The following SEM1 variants were observed in gnomAD, a reference collection of about 807,000 sequenced individuals.
SEM1 encodes SEM1 26S proteasome subunit, also known as 26S proteasome complex subunit SEM1.
A neutral mutation model predicts 12.7 loss-of-function variants in SEM1; 3 were observed. The observed-to-expected ratio is 0.24, with a 90% confidence interval of 0.11 to 0.61. SEM1 has a LOEUF of 0.61. Among genes scored for constraint, SEM1 ranks in the 20% least tolerant of loss-of-function variants. The probability of loss-of-function intolerance (pLI) is 0.88; values close to 1 mark genes in which losing one functional copy is unlikely to be tolerated. For missense variants in SEM1, 59 were observed against 81.3 expected, an observed-to-expected ratio of 0.73 and a Z score of 1.06; for synonymous variants, 30 against 27.8, an observed-to-expected ratio of 1.08 and a Z score of -0.25.
At chr7:96,588,620 G>A (rs1247378283) in intron 2 of SEM1, among the ~76,000 whole-genome samples, 2 of 151,956 alleles carry the variant, frequency 1.3e-5, no homozygotes, top group African/African-American at 4.8e-5. Context: ...AGAGACAGAT[G>A]TTAAATATAA....
intron 2 of SEM1, among the ~76,000 whole-genome samples, chr7:96,555,874 C>T (rs1206114156): frequency 2.0e-5 from 3 of 149,018 alleles, no homozygotes; most frequent in Non-Finnish European, 4.5e-5. Context: ...CTGGGTGCTC[C>T]TGTATTGGGT....
chr7:96,587,231 T>C (rs6959178), intron 2 of SEM1, among the ~76,000 whole-genome samples: 47,190 of 152,060 alleles, frequency 0.31, 7,350 homozygotes, highest in Admixed American at 0.32. Flanking sequence ...TCCAAGATTA[T>C]AGTATTTGTA....
At chr7:96,682,275 G>A (rs555243900) in intron 2 of SEM1, among the ~76,000 whole-genome samples, 2 of 152,184 alleles carry the variant, frequency 1.3e-5, no homozygotes, top group East Asian at 3.9e-4. Context: ...TCAGCTTAAG[G>A]AGATTTTGGG....
intron 2 of SEM1, among the ~76,000 whole-genome samples, chr7:96,574,287 A>G (rs903547764): frequency 2.3e-4 from 35 of 152,318 alleles, no homozygotes; most frequent in African/African-American, 8.2e-4. Context: ...ATGGCTGCAT[A>G]GTATTCCATG....
chr7:96,522,131 T>A (rs948132437), intron 2 of SEM1, among the ~76,000 whole-genome samples: 5 of 152,178 alleles, frequency 3.3e-5, no homozygotes, highest in African/African-American at 1.2e-4. Context: ...CAGGAGGAAG[T>A]CAATGTTAGT....
chr7:96,519,105 A>G (rs1456871879), intron 2 of SEM1, among the ~76,000 whole-genome samples: 2 of 152,120 alleles, frequency 1.3e-5, no homozygotes, highest in Non-Finnish European at 2.9e-5. Flanking sequence ...AGATATGAAA[A>G]CTGGCACCTA....
intron 2 of SEM1, among the ~76,000 whole-genome samples, chr7:96,545,957 G>A (rs1191513383): frequency 6.6e-6 from 1 of 152,050 alleles, no homozygotes; most frequent in South Asian, 2.1e-4. Context: ...TTCAGAAATG[G>A]TGCTGAAGAA....
At chr7:96,679,566 T>C (rs928444612) in intron 2 of SEM1, among the ~76,000 whole-genome samples, 2 of 152,094 alleles carry the variant, frequency 1.3e-5, no homozygotes, top group African/African-American at 4.8e-5. Flanking sequence ...GCTATGAAGA[T>C]TTTTCTGAAA....
At chr7:96,674,881 CCT>C (rs1438700262) in intron 2 of SEM1, among the ~76,000 whole-genome samples, 1 of 152,084 alleles carries the variant, frequency 6.6e-6, no homozygotes, top group Non-Finnish European at 1.5e-5. Context: ...AAACGGAATC[CCT>C]GTTATGCTCT....
rs1173264641 is a variant in SEM1 at position 96,693,786 on chromosome 7, G to A, written c.170+1012C>T. Among the ~76,000 whole-genome samples, 5 of 149,476 alleles carry A rather than the reference G, an allele frequency of 3.3e-5. No individual in the cohort carries two copies. The East Asian group carries it at 9.7e-4, about 29-fold the overall frequency. Reference sequence around the variant, plus strand: ...TGTGTGTGTGTGTGTGTGTGTGTGTGTGTGTATATATATATATATAAAATT... The same window carrying A: ...TGTGTGTGTGTGTGTGTGTGTGTGTATGTGTATATATATATATATAAAATT... On this transcript the variant is annotated intron_variant, in intron 2 of 2. Coordinates refer to ENST00000248566, the MANE Select transcript of SEM1 (RefSeq NM_006304.2).
At chr7:96,529,932 T>C (rs1266549698) in intron 2 of SEM1, among the ~76,000 whole-genome samples, 1 of 152,096 alleles carries the variant, frequency 6.6e-6, no homozygotes, top group African/African-American at 2.4e-5. Context: ...GCTCCTAGCA[T>C]AAAAACAGTT....
chr7:96,487,544 G>C (rs1365645224), intron 1 of SEM1, among the ~76,000 whole-genome samples: 1 of 150,088 alleles, frequency 6.7e-6, no homozygotes, highest in African/African-American at 2.5e-5. Context: ...ACAAAGGGCA[G>C]TTTGGAGGCT....
intron 2 of SEM1, among the ~76,000 whole-genome samples, chr7:96,615,460 G>A (rs1331617857): frequency 6.6e-6 from 1 of 151,956 alleles, no homozygotes; most frequent in East Asian, 1.9e-4. Context: ...TCGCCAGGTT[G>A]GCCAGGCTGG....
At chr7:96,604,693 C>A (rs569029731) in intron 2 of SEM1, among the ~76,000 whole-genome samples, 1 of 151,772 alleles carries the variant, frequency 6.6e-6, no homozygotes, top group South Asian at 2.1e-4. Flanking sequence ...CTGAGGCGGG[C>A]GAATCACTTG....
downstream of SEM1, among the ~76,000 whole-genome samples, chr7:96,684,997 A>G (rs1416698574): frequency 6.6e-6 from 1 of 152,090 alleles, no homozygotes; most frequent in Non-Finnish European, 1.5e-5. Context: ...CCCCAGCATC[A>G]TGTGTATGGG....
chr7:96,615,292 A>G (rs893448696), intron 2 of SEM1, among the ~76,000 whole-genome samples: 1 of 121,588 alleles, frequency 8.2e-6, no homozygotes, highest in African/African-American at 3.1e-5. Flanking sequence ...TCTATTCCCC[A>G]GGCTGGCTGG....
chr7:96,613,073 G>A (rs1807592654), intron 2 of SEM1, among the ~76,000 whole-genome samples: 1 of 152,222 alleles, frequency 6.6e-6, no homozygotes, highest in Non-Finnish European at 1.5e-5. Flanking sequence ...GTTGTAGAGA[G>A]AAAAAGTTGT....
intron 2 of SEM1, among the ~76,000 whole-genome samples, chr7:96,556,124 T>G (rs1043269555): frequency 4.6e-5 from 7 of 152,138 alleles, no homozygotes; most frequent in Non-Finnish European, 7.3e-5. Context: ...AGCACACTGA[T>G]GGGTCTTGAC....
intron 2 of SEM1, among the ~76,000 whole-genome samples, chr7:96,579,518 T>G (rs1017694133): frequency 3.9e-5 from 6 of 152,164 alleles, no homozygotes; most frequent in Non-Finnish European, 5.9e-5. Context: ...ATGACCAGAT[T>G]TACAAAGAGG....
Sources: gnomAD v4.1 joint callset for allele counts (sites outside exome capture counted in the v4.1 genomes callset) on GRCh38, gnomAD v4.1.1 for gene constraint, MANE v1.5 for transcripts, NCBI Gene and HGNC (gene_info 2026-07-23, HGNC 2026-07-21) for gene names.